The following PARD3 variants were observed in gnomAD, a reference collection of about 807,000 sequenced individuals.
The protein encoded by PARD3 is partitioning defective 3 homolog.
PARD3 carries 75 observed loss-of-function variants against 155.4 expected under a neutral mutation model. The ratio of observed to expected loss-of-function variants is 0.48; its 90% CI spans 0.40 to 0.58. The LOEUF (loss-of-function observed/expected upper bound fraction) is 0.58, where lower values mean the gene tolerates loss of function less well. Among genes scored for constraint, PARD3 ranks in the 20% least tolerant of loss-of-function variants. The pLI, the probability that PARD3 is intolerant of heterozygous loss-of-function variation, is 0.00. For missense variants in PARD3, 1,642 were observed against 1,721.7 expected (o/e 0.95, Z 0.82); for synonymous variants, 576 against 610.5 (o/e 0.94, Z 0.83).
chr10:34,776,839 G>T (rs1263722632), intron 1 of PARD3, among the ~76,000 whole-genome samples: 2 of 130,888 alleles, frequency 1.5e-5, no homozygotes, highest in Non-Finnish European at 3.3e-5. Flanking sequence ...TTTTTGTGGG[G>T]GGGGGGGGCG....
intron 7 of PARD3, among the ~76,000 whole-genome samples, chr10:34,392,097 G>A (rs528778650): frequency 3.3e-5 from 5 of 152,114 alleles, no homozygotes; most frequent in African/African-American, 7.2e-5. Context: ...TCCTGCCACC[G>A]TACTCCAGCC....
chr10:34,708,434 T>C (rs1346204681), intron 1 of PARD3, among the ~76,000 whole-genome samples: 1 of 152,222 alleles, frequency 6.6e-6, no homozygotes, highest in Non-Finnish European at 1.5e-5. Flanking sequence ...GTTTTCTGAA[T>C]GTGATCATTG....
At chr10:34,128,111 T>C (rs1947383830) in intron 23 of PARD3, among the ~76,000 whole-genome samples, 1 of 152,206 alleles carries the variant, frequency 6.6e-6, no homozygotes, top group South Asian at 2.1e-4. Flanking sequence ...TTTCATGAGG[T>C]GCTTTTACAC....
intron 15 of PARD3, chr10:34,343,569 C>T (rs1367891215): frequency 2.0e-6 from 2 of 985,006 alleles, no homozygotes; most frequent in East Asian, 1.1e-4. Flanking sequence ...CCATATTTTC[C>T]ACTTCTTAAC....
chr10:34,431,236 C>T lies in PARD3; in HGVS notation c.714+19081G>A, dbSNP rs574880488. On this transcript the variant is annotated intron_variant, in intron 5 of 24. Coordinates refer to ENST00000374788, the MANE Select transcript of PARD3 (RefSeq NM_001184785.2). Reference sequence around the variant, plus strand: ...CAGAGTGTCATCTTAATGTGAGCATCAATACACATGATCAAAGACAGAATT... The same window carrying T: ...CAGAGTGTCATCTTAATGTGAGCATTAATACACATGATCAAAGACAGAATT... Among the ~76,000 whole-genome samples, 66 of 152,228 alleles carry T rather than the reference C, an allele frequency of 4.3e-4. 1 individual carries two copies. The highest frequency in any genetic ancestry group is 6.3e-4 in the Non-Finnish European group (43 of 68,014).
At chr10:34,532,233 A>G (rs919149136) in intron 2 of PARD3, among the ~76,000 whole-genome samples, 3 of 152,174 alleles carry the variant, frequency 2.0e-5, no homozygotes, top group Non-Finnish European at 4.4e-5. Flanking sequence ...CATTCATGAC[A>G]TATATTTTTA....
At chr10:34,776,311 C>T (rs574793795) in intron 1 of PARD3, among the ~76,000 whole-genome samples, 67 of 152,318 alleles carry the variant, frequency 4.4e-4, no homozygotes, top group Middle Eastern at 3.4e-3. Context: ...ATACCTCAGA[C>T]ACCTACAAGA....
At chr10:34,312,058 C>A (rs1475729162) in intron 20 of PARD3, among the ~76,000 whole-genome samples, 1 of 152,064 alleles carries the variant, frequency 6.6e-6, no homozygotes, top group Non-Finnish European at 1.5e-5. Flanking sequence ...AATACGCCAG[C>A]AGTGAGAGGA....
At chr10:34,192,590 C>T (rs1220148931) in intron 22 of PARD3, among the ~76,000 whole-genome samples, 2 of 152,218 alleles carry the variant, frequency 1.3e-5, no homozygotes, top group Non-Finnish European at 2.9e-5. Context: ...AAATTCCTCT[C>T]CTCCTCTTCT....
intron 20 of PARD3, among the ~76,000 whole-genome samples, chr10:34,300,666 T>G (rs947402073): frequency 2.6e-5 from 4 of 152,036 alleles, no homozygotes; most frequent in African/African-American, 9.7e-5. Flanking sequence ...TGGGGGCAAT[T>G]TTAAAGCTTG....
chr10:34,473,921 C>T (rs976720378), intron 3 of PARD3, among the ~76,000 whole-genome samples: 1 of 152,224 alleles, frequency 6.6e-6, no homozygotes, highest in African/African-American at 2.4e-5. Context: ...CACAGAGCTG[C>T]GACACTGTTG....
intron 2 of PARD3, among the ~76,000 whole-genome samples, chr10:34,607,915 GTATT>G (rs1022140567): frequency 1.3e-5 from 2 of 152,124 alleles, no homozygotes; most frequent in Non-Finnish European, 2.9e-5. Context: ...TCCCATTTAT[GTATT>G]TATTTATTTA....
chr10:34,401,278 C>T (rs1192172088), intron 6 of PARD3, among the ~76,000 whole-genome samples: 3 of 152,100 alleles, frequency 2.0e-5, no homozygotes, highest in East Asian at 3.8e-4. Flanking sequence ...TTTTCTTTGT[C>T]CTTTTACACT....
chr10:34,472,864 A>G (rs1246395117), intron 3 of PARD3, among the ~76,000 whole-genome samples: 2 of 152,242 alleles, frequency 1.3e-5, no homozygotes, highest in Non-Finnish European at 2.9e-5. Context: ...AGGAGAATAC[A>G]TTGCATACAT....
intron 19 of PARD3, among the ~76,000 whole-genome samples, chr10:34,323,890 T>C (rs1377490955): frequency 2.0e-5 from 3 of 152,244 alleles, no homozygotes; most frequent in Non-Finnish European, 2.9e-5. Context: ...CAGTGGATGC[T>C]GTTTTCTGTC....
In PARD3 at chr10:34,605,590, TC is replaced by T. The variant is rs2090235344; in HGVS notation, c.223-88432del. ...TATATATATATCTCCTATATATATCTCCTATATATATATATCTCCTATATAT... is the reference window on the plus strand; with the variant it reads ...TATATATATATCTCCTATATATATCTCTATATATATATATCTCCTATATAT... On this transcript the variant is annotated intron_variant, in intron 2 of 24. Coordinates refer to ENST00000374788, the MANE Select transcript of PARD3 (RefSeq NM_001184785.2). 4.3e-5 allele frequency among the ~76,000 whole-genome samples: 2 copies of T among 46,468 alleles called. 1 individual carries two copies. Among genetic ancestry groups the T allele is most frequent in the African/African-American group, 3.6e-4 (2 of 5,504 alleles). The allele number at this position is 46,468 out of a possible 152,430, so 30.5% of individuals were successfully genotyped here.
chr10:34,183,488 T>C (rs1306199417), intron 22 of PARD3, among the ~76,000 whole-genome samples: 1 of 152,214 alleles, frequency 6.6e-6, no homozygotes, highest in Non-Finnish European at 1.5e-5. Context: ...TGGCAAGCTT[T>C]AATACACAAA....
chr10:34,150,693 T>C (rs1038439173), intron 22 of PARD3, among the ~76,000 whole-genome samples: 24 of 152,304 alleles, frequency 1.6e-4, no homozygotes, highest in South Asian at 1.0e-3. Flanking sequence ...ACCTGGGCTA[T>C]GGCAGGTGAA....
At position 34,532,528 on chromosome 10, in the gene PARD3, T is replaced by A. The variant is rs12256674; in HGVS notation, c.223-15369A>T. Among the ~76,000 whole-genome samples the A allele has an allele frequency of 1.9e-3, 285 of 148,696 alleles. 1 individual carries two copies. Among genetic ancestry groups the A allele is most frequent in the African/African-American group, 6.5e-3 (270 of 41,316 alleles). ...GCCACATGGTGTGAACTGTGTGAAG[T>A]GCTGCTTATAGAACACTTTGTTAAT... On this transcript the variant is annotated intron_variant, in intron 2 of 24. Coordinates refer to ENST00000374788, the MANE Select transcript of PARD3 (RefSeq NM_001184785.2).
Sources: allele counts gnomAD v4.1 joint callset (sites outside exome capture counted in the v4.1 genomes callset), GRCh38; gene constraint gnomAD v4.1.1; transcripts MANE v1.5; gene names NCBI Gene and HGNC (gene_info 2026-07-23, HGNC 2026-07-21).